The following CMSS1 variants were observed in gnomAD, a reference collection of about 807,000 sequenced individuals.
CMSS1 encodes cms1 ribosomal small subunit homolog, also known as protein CMSS1.
CMSS1 carries 33 observed loss-of-function variants against 43.5 expected under a neutral mutation model. That is an observed-to-expected ratio of 0.76 (90% CI 0.57 to 1.01). The LOEUF (loss-of-function observed/expected upper bound fraction) is 1.01. Ranked by LOEUF, CMSS1 falls within the 50% of genes least tolerant of loss-of-function variation. The pLI, the probability that CMSS1 is intolerant of heterozygous loss-of-function variation, is 0.00. For synonymous variants in CMSS1, 115 were observed against 117.2 expected, an observed-to-expected ratio of 0.98 and a Z score of 0.12; for missense variants, 313 against 326.4, an observed-to-expected ratio of 0.96 and a Z score of 0.32.
At chr3:99,889,014 GT>G (rs1209605515) in intron 1 of CMSS1, among the ~76,000 whole-genome samples, 1 of 152,086 alleles carries the variant, frequency 6.6e-6, no homozygotes, top group Non-Finnish European at 1.5e-5. Flanking sequence ...TGACATTAAG[GT>G]TTGTTTCATG....
chr3:100,007,367 A>G (rs1710017738), intron 1 of CMSS1, among the ~76,000 whole-genome samples: 1 of 152,220 alleles, frequency 6.6e-6, no homozygotes, highest in Non-Finnish European at 1.5e-5. Context: ...GTCTGCCCAC[A>G]AAACAGATTT....
At chr3:99,946,115 A>G (rs762360722) in intron 1 of CMSS1, among the ~76,000 whole-genome samples, 1 of 152,244 alleles carries the variant, frequency 6.6e-6, no homozygotes, top group Non-Finnish European at 1.5e-5. Context: ...TCAACCTGTA[A>G]GCCCAGAACT....
chr3:99,832,868 T>G (rs1204992540), intron 1 of CMSS1, among the ~76,000 whole-genome samples: 9 of 149,772 alleles, frequency 6.0e-5, no homozygotes, highest in East Asian at 2.0e-4. Context: ...GTTGTTTTTT[T>G]TTTTTTTCTT....
Position 100,098,016 on chromosome 3 carries a change from C to T in CMSS1, c.65-48957C>T, listed in dbSNP as rs541555610. Among the ~76,000 whole-genome samples the T allele has an allele frequency of 3.9e-5, 6 of 152,234 alleles. No individual in the cohort carries two copies. The East Asian group carries it at 7.7e-4, about 20-fold the overall frequency. On this transcript the variant is annotated intron_variant, in intron 1 of 9. Coordinates refer to ENST00000421999, the MANE Select transcript of CMSS1 (RefSeq NM_032359.4). ...TGTTTAGCTAGGCATAGTAATGGTA[C>T]GTGCCACATTGCTATTTGAAAAATC...
At chr3:99,967,095 A>G (rs553100871) in intron 1 of CMSS1, among the ~76,000 whole-genome samples, 6 of 152,344 alleles carry the variant, frequency 3.9e-5, no homozygotes, top group Admixed American at 3.3e-4. Context: ...TAAAGTTCTC[A>G]GACTCTCTTC....
intron 1 of CMSS1, among the ~76,000 whole-genome samples, chr3:99,961,877 A>C (rs1708503072): frequency 6.8e-6 from 1 of 146,818 alleles, no homozygotes; most frequent in Non-Finnish European, 1.5e-5. Context: ...CCGGGTATGC[A>C]TTAGACACAG....
At chr3:99,999,402 T>C (rs1709778226) in intron 1 of CMSS1, among the ~76,000 whole-genome samples, 1 of 152,140 alleles carries the variant, frequency 6.6e-6, no homozygotes, top group Non-Finnish European at 1.5e-5. Flanking sequence ...TAGTTGTATT[T>C]TGGATGGATG....
chr3:99,986,100 G>C (rs1189897212), intron 1 of CMSS1, among the ~76,000 whole-genome samples: 1 of 152,064 alleles, frequency 6.6e-6, no homozygotes, highest in African/African-American at 2.4e-5. Context: ...TTTCACTTGT[G>C]TTTTCATTGT....
chr3:99,850,454 A>T (rs778252258), intron 1 of CMSS1: 1 of 1,613,968 alleles, frequency 6.2e-7, no homozygotes, highest in South Asian at 1.1e-5. Context: ...TTACTCTGTA[A>T]CGTCTCCCTT....
At chr3:99,991,359 A>C (rs573391415) in intron 1 of CMSS1, among the ~76,000 whole-genome samples, 10 of 152,290 alleles carry the variant, frequency 6.6e-5, no homozygotes, top group African/African-American at 2.4e-4. Flanking sequence ...AGGTTTTAGG[A>C]GTAATAATAG....
rs2067029126 is a variant in CMSS1, at chr3:100,162,167, A to AT, written c.226-133dup. 4 of 613,398 alleles carry AT rather than the reference A, an allele frequency of 6.5e-6. No homozygotes were observed. The Admixed American group carries it at 1.3e-4, about 21-fold the overall frequency. The allele number at this position is 613,398 out of a possible 1,614,324, so 38.0% of individuals were successfully genotyped here. Reference sequence around the variant, plus strand: ...GTATTTAGTGAATTTTCTCAAATGTATTTATTAAAACCCACATTCACACTT... The same window carrying AT: ...GTATTTAGTGAATTTTCTCAAATGTATTTTATTAAAACCCACATTCACACTT... On this transcript the variant is annotated intron_variant, in intron 3 of 9. Transcript: ENST00000421999.
chr3:99,950,672 G>A (rs1708149560), intron 1 of CMSS1, among the ~76,000 whole-genome samples: 2 of 152,318 alleles, frequency 1.3e-5, no homozygotes, highest in East Asian at 1.9e-4. Context: ...CAGACAGAAA[G>A]AGGAATGGAG....
intron 1 of CMSS1, among the ~76,000 whole-genome samples, chr3:99,990,580 G>A (rs1031342756): frequency 2.0e-5 from 3 of 152,120 alleles, no homozygotes; most frequent in African/African-American, 7.2e-5. Context: ...TTACTGGAGA[G>A]CCTCTAAATA....
chr3:99,971,017 A>C (rs1003039424), intron 1 of CMSS1, among the ~76,000 whole-genome samples: 1 of 152,178 alleles, frequency 6.6e-6, no homozygotes, highest in African/African-American at 2.4e-5. Flanking sequence ...TTTAACAGCA[A>C]GGATTGGCAG....
chr3:99,906,130 G>A (rs1226801198), intron 1 of CMSS1, among the ~76,000 whole-genome samples: 2 of 152,210 alleles, frequency 1.3e-5, no homozygotes, highest in Non-Finnish European at 2.9e-5. Context: ...GGAGGCAGAG[G>A]TTGCAGTGAG....
chr3:99,949,272 A>G (rs1232600321), intron 1 of CMSS1, among the ~76,000 whole-genome samples: 1 of 152,180 alleles, frequency 6.6e-6, no homozygotes, highest in Non-Finnish European at 1.5e-5. Flanking sequence ...GGTTTCCTCA[A>G]TTTTTATTTT....
At chr3:99,917,670 G>A (rs1346569902) in intron 1 of CMSS1, among the ~76,000 whole-genome samples, 1 of 152,132 alleles carries the variant, frequency 6.6e-6, no homozygotes, top group African/African-American at 2.4e-5. Flanking sequence ...GTATTAACAG[G>A]AATAAAAAAG....
At chr3:99,917,247 G>T (rs1453446398) in intron 1 of CMSS1, among the ~76,000 whole-genome samples, 6 of 152,104 alleles carry the variant, frequency 3.9e-5, no homozygotes, top group Non-Finnish European at 8.8e-5. Context: ...CCACAGTGTT[G>T]CAACAGTGGT....
intron 1 of CMSS1, among the ~76,000 whole-genome samples, chr3:100,037,504 A>C (rs1249848826): frequency 1.3e-5 from 2 of 152,212 alleles, no homozygotes; most frequent in Non-Finnish European, 2.9e-5. Flanking sequence ...AAGCCAGCGC[A>C]ACATATAGAA....
Sources: allele counts gnomAD v4.1 joint callset (sites outside exome capture counted in the v4.1 genomes callset), GRCh38; gene constraint gnomAD v4.1.1; transcripts MANE v1.5; gene names NCBI Gene and HGNC (gene_info 2026-07-23, HGNC 2026-07-21).